TPST1: variants seen among roughly 807,000 people sequenced by gnomAD.
TPST1 encodes tyrosylprotein sulfotransferase 1.
TPST1 carries 20 observed loss-of-function variants against 34.8 expected under a neutral mutation model. The ratio of observed to expected loss-of-function variants is 0.57; its 90% CI spans 0.40 to 0.84. The LOEUF (loss-of-function observed/expected upper bound fraction) is 0.84. Ranked by LOEUF, TPST1 falls within the 40% of genes least tolerant of loss-of-function variation. The pLI, the probability that TPST1 is intolerant of heterozygous loss-of-function variation, is 0.00. For synonymous variants in TPST1, 152 were observed against 159.4 expected, an observed-to-expected ratio of 0.95 and a Z score of 0.35; for missense variants, 353 against 455.5, an observed-to-expected ratio of 0.78 and a Z score of 2.05.
chr7:66,227,904 TATC>T (rs1419086945), intron 1 of TPST1, among the ~76,000 whole-genome samples: 1 of 152,172 alleles, frequency 6.6e-6, no homozygotes, highest in African/African-American at 2.4e-5. Context: ...CAAGAATAGT[TATC>T]ATAGTAATAT....
chr7:66,278,791 C>A (rs1361957410), intron 2 of TPST1, among the ~76,000 whole-genome samples: 1 of 150,844 alleles, frequency 6.6e-6, no homozygotes, highest in Admixed American at 6.6e-5. Context: ...GAACGAGATT[C>A]CGTCTCAAAA....
chr7:66,359,850 A>G (rs751201240), intron 5 of TPST1, 45 bp from the exon 6 acceptor site: 2 of 456,414 alleles, frequency 4.4e-6, no homozygotes, highest in Non-Finnish European at 8.8e-6. Flanking sequence ...GGGAGAACAC[A>G]CCGGGACTCC....
intron 1 of TPST1, among the ~76,000 whole-genome samples, chr7:66,209,480 C>G (rs1789200416): frequency 6.6e-6 from 1 of 152,180 alleles, no homozygotes; most frequent in East Asian, 1.9e-4. Context: ...TGGCTTGTTC[C>G]CATCTCAGGC....
chr7:66,343,594 A>G (rs928807549), intron 3 of TPST1, among the ~76,000 whole-genome samples: 1 of 152,224 alleles, frequency 6.6e-6, no homozygotes, highest in African/African-American at 2.4e-5. Flanking sequence ...AATGTAACCT[A>G]TACAGCTACA....
intron 3 of TPST1, among the ~76,000 whole-genome samples, chr7:66,315,041 C>T (rs1053009299): frequency 6.6e-6 from 1 of 152,178 alleles, no homozygotes; most frequent in Non-Finnish European, 1.5e-5. Flanking sequence ...ACTACTCCCT[C>T]CATTTCATGG....
At chr7:66,218,947 C>A (rs535243361) in intron 1 of TPST1, among the ~76,000 whole-genome samples, 10 of 151,822 alleles carry the variant, frequency 6.6e-5, no homozygotes, top group African/African-American at 2.4e-4. Context: ...GTGGCGCAAT[C>A]TCAGCTCACA....
At chr7:66,230,795 A>T (rs1360477560) in intron 1 of TPST1, among the ~76,000 whole-genome samples, 3 of 152,074 alleles carry the variant, frequency 2.0e-5, no homozygotes, top group South Asian at 2.1e-4. Context: ...ATCCGGCCCC[A>T]CCCACATCCT....
intron 2 of TPST1, among the ~76,000 whole-genome samples, chr7:66,250,420 G>A (rs1790239256): frequency 6.6e-6 from 1 of 152,196 alleles, no homozygotes; most frequent in Non-Finnish European, 1.5e-5. Flanking sequence ...TGTGACAGTG[G>A]CTAAGCACAC....
At chr7:66,234,973 G>A (rs1353475442) in intron 1 of TPST1, among the ~76,000 whole-genome samples, 2 of 151,964 alleles carry the variant, frequency 1.3e-5, no homozygotes, top group African/African-American at 4.8e-5. Flanking sequence ...GCGCCCAGCC[G>A]GAAGCTTTCT....
intron 4 of TPST1, among the ~76,000 whole-genome samples, chr7:66,353,658 C>T (rs1314492897): frequency 6.6e-6 from 1 of 152,222 alleles, no homozygotes; most frequent in Non-Finnish European, 1.5e-5. Flanking sequence ...AAAATGGACA[C>T]TCATGGCCTG....
chr7:66,348,442 C>G (rs952749212), intron 3 of TPST1, among the ~76,000 whole-genome samples: 1 of 152,178 alleles, frequency 6.6e-6, no homozygotes, highest in Non-Finnish European at 1.5e-5. Context: ...TTACTTAATA[C>G]CAACCTGATG....
intron 3 of TPST1, among the ~76,000 whole-genome samples, chr7:66,339,785 GAC>G (rs1311141521): frequency 7.2e-6 from 1 of 138,534 alleles, no homozygotes. Flanking sequence ...AAGCCTCTGT[GAC>G]ACACAGTTTA....
intron 4 of TPST1, among the ~76,000 whole-genome samples, chr7:66,353,798 T>A (rs1443485797): frequency 6.6e-6 from 1 of 152,192 alleles, no homozygotes. Context: ...GCGTTCCAGA[T>A]AGAGGTTGGT....
At chr7:66,200,643 A>G (rs1343122147), upstream of TPST1, among the ~76,000 whole-genome samples, 1 of 151,866 alleles carries the variant, frequency 6.6e-6, no homozygotes, top group Non-Finnish European at 1.5e-5. Flanking sequence ...GGTGGTCTTG[A>G]TCTCCTGACC....
intron 3 of TPST1, among the ~76,000 whole-genome samples, chr7:66,321,247 T>A (rs1370852342): frequency 6.6e-6 from 1 of 152,236 alleles, no homozygotes; most frequent in Non-Finnish European, 1.5e-5. Flanking sequence ...CCCAGCAACA[T>A]GTGTGACAAC....
intron 3 of TPST1, among the ~76,000 whole-genome samples, chr7:66,292,687 G>T (rs1245215303): frequency 7.6e-6 from 1 of 130,770 alleles, no homozygotes; most frequent in African/African-American, 2.9e-5. Context: ...GCGCTTCCCA[G>T]GTGAGGCAAT....
intron 2 of TPST1, among the ~76,000 whole-genome samples, chr7:66,265,285 C>T (rs930018920): frequency 6.6e-6 from 1 of 152,158 alleles, no homozygotes; most frequent in African/African-American, 2.4e-5. Context: ...TGCAGTGGCT[C>T]ATGCCTGTAA....
chr7:66,223,971 T>G (rs532146727), intron 1 of TPST1, among the ~76,000 whole-genome samples: 2 of 152,360 alleles, frequency 1.3e-5, no homozygotes, highest in East Asian at 3.9e-4. Context: ...TTAGGTCCAG[T>G]TCTTGGTATG....
intron 2 of TPST1, among the ~76,000 whole-genome samples, chr7:66,261,764 C>A (rs1790493857): frequency 6.6e-6 from 1 of 152,142 alleles, no homozygotes; most frequent in African/African-American, 2.4e-5. Flanking sequence ...CCTTTGTATG[C>A]CTCATTTTCT....
Sources: gnomAD v4.1 joint callset for allele counts (sites outside exome capture counted in the v4.1 genomes callset) on GRCh38, gnomAD v4.1.1 for gene constraint, MANE v1.5 for transcripts, NCBI Gene and HGNC (gene_info 2026-07-23, HGNC 2026-07-21) for gene names.